The following PLD1 variants were observed in gnomAD, a reference collection of about 807,000 sequenced individuals.
PLD1 encodes the protein choline phosphatase 1.
In PLD1, 112 loss-of-function variants were observed where a neutral mutation model predicts 137.1. The ratio of observed to expected loss-of-function variants is 0.82; its 90% CI spans 0.70 to 0.96. The LOEUF is 0.96. PLD1 is among the 40% of genes least tolerant of loss of function. PLD1 has a pLI of 0.00. For synonymous variants in PLD1, 431 were observed against 454.7 expected (o/e 0.95, Z 0.66); for missense variants, 1,321 against 1,342.0 (o/e 0.98, Z 0.24).
chr3:171,694,209 TAGG>T (rs1224691709), intron 12 of PLD1, among the ~76,000 whole-genome samples: 1 of 152,052 alleles, frequency 6.6e-6, no homozygotes. Flanking sequence ...ATTTGAGTAC[TAGG>T]AGAAGACTCA....
chr3:171,630,933 G>A (rs956259647), intron 23 of PLD1, among the ~76,000 whole-genome samples: 1 of 151,428 alleles, frequency 6.6e-6, no homozygotes, highest in South Asian at 2.1e-4. Flanking sequence ...GTTAATGGGT[G>A]CAGCACACCA....
In PLD1 at chr3:171,714,043, C is replaced by A; in HGVS notation, c.761G>T (p.Trp254Leu). Residue 254 changes from tryptophan to leucine, a missense_variant and splice_region_variant, in exon 9 of 27, where the codon TGG becomes TTG. Physicochemically the swap from Trp to Leu is moderately conservative, Grantham distance 61. Transcript: ENST00000351298. ...GRACYRWSKRWLIVKDSFLLY... is the reference protein window; with the variant it reads ...GRACYRWSKRLLIVKDSFLLY... ...TAAAAAGGAATCTTTCACTATTAAC[C>A]ATCTGTAAGAAGGTAGTAAGTATTT... is the stretch of plus-strand genomic sequence containing the variant. 1.3e-6 allele frequency: 2 copies of A among 1,589,720 alleles called. No homozygotes were observed. Among genetic ancestry groups the A allele is most frequent in the Non-Finnish European group, 1.7e-6 (2 of 1,159,070 alleles).
At chr3:171,655,931 T>C (rs974616215) in intron 21 of PLD1, among the ~76,000 whole-genome samples, 1 of 152,160 alleles carries the variant, frequency 6.6e-6, no homozygotes, top group Non-Finnish European at 1.5e-5. Flanking sequence ...TATTTGAAAT[T>C]TGATGAACTA....
At chr3:171,689,234 T>C (rs529389976) in intron 13 of PLD1, among the ~76,000 whole-genome samples, 1 of 151,988 alleles carries the variant, frequency 6.6e-6, no homozygotes, top group African/African-American at 2.4e-5. Context: ...CTAAAAATAT[T>C]TAACTACTAT....
At chr3:171,622,869 A>T (rs1184184571) in intron 23 of PLD1, among the ~76,000 whole-genome samples, 1 of 151,670 alleles carries the variant, frequency 6.6e-6, no homozygotes, top group African/African-American at 2.4e-5. Flanking sequence ...AACATATAGA[A>T]ATCAATAGCC....
chr3:171,754,450 T>A (rs963434844), intron 1 of PLD1, among the ~76,000 whole-genome samples: 6 of 152,196 alleles, frequency 3.9e-5, no homozygotes, highest in African/African-American at 7.2e-5. Context: ...ACTGTGAAAC[T>A]GTTGGTCTGA....
At chr3:171,804,567 C>G (rs895070006) in intron 1 of PLD1, among the ~76,000 whole-genome samples, 1 of 152,140 alleles carries the variant, frequency 6.6e-6, no homozygotes, top group Non-Finnish European at 1.5e-5. Flanking sequence ...CCCTCTCACA[C>G]GGAAGACAGA....
chr3:171,795,137 C>G (rs1723381273), intron 1 of PLD1, among the ~76,000 whole-genome samples: 1 of 152,346 alleles, frequency 6.6e-6, no homozygotes, highest in African/African-American at 2.4e-5. Flanking sequence ...AAACTTGCTT[C>G]TTATTCCTGC....
chr3:171,612,124 G>A lies in PLD1; in HGVS notation c.2882+155C>T, dbSNP rs1432700564. Among the ~76,000 whole-genome samples, 6 of 152,114 alleles carry A rather than the reference G, an allele frequency of 3.9e-5. No homozygotes were observed. Among genetic ancestry groups the A allele is most frequent in the Non-Finnish European group, 8.8e-5 (6 of 68,016 alleles). On this transcript the variant is annotated intron_variant, in intron 25 of 26. Transcript: ENST00000351298. The surrounding 1 kb of genome is among the most constrained non-coding windows in gnomAD (Gnocchi z 4.1). ...TTCATGTACCACCTAAAGTCATTTC[G>A]CATACTACTGGTGGTACATATCCTA...
chr3:171,680,368 G>A (rs1471002359), intron 16 of PLD1, among the ~76,000 whole-genome samples: 2 of 149,656 alleles, frequency 1.3e-5, no homozygotes, highest in Non-Finnish European at 1.5e-5. Context: ...CCGAGTAGCT[G>A]GGATTACAGG....
chr3:171,708,395 T>C (rs984508579), intron 11 of PLD1, among the ~76,000 whole-genome samples: 2 of 152,160 alleles, frequency 1.3e-5, no homozygotes, highest in African/African-American at 2.4e-5. Context: ...AAGAAGTATA[T>C]TCACTGGCCC....
chr3:171,799,439 C>T (rs1293026851), intron 1 of PLD1, among the ~76,000 whole-genome samples: 4 of 149,612 alleles, frequency 2.7e-5, no homozygotes, highest in Non-Finnish European at 5.9e-5. Context: ...TGAACTAGCA[C>T]AGAAGTGAAA....
At chr3:171,792,962 C>A in intron 1 of PLD1, 1 of 302,110 alleles carries the variant, frequency 3.3e-6, no homozygotes, top group South Asian at 2.8e-5. Context: ...ACATGTGAGA[C>A]AATGCCAAGA....
chr3:171,686,643 G>T (rs1177664030), intron 16 of PLD1, 42 bp downstream of exon 16: 3 of 1,046,222 alleles, frequency 2.9e-6, no homozygotes, highest in Non-Finnish European at 4.4e-6. Context: ...CACAACCAAA[G>T]CTCAAGCCTA....
At chr3:171,682,825 A>T (rs561017140) in intron 16 of PLD1, among the ~76,000 whole-genome samples, 1 of 152,212 alleles carries the variant, frequency 6.6e-6, no homozygotes, top group South Asian at 2.1e-4. Context: ...CCAGGATCCA[A>T]GGAATCGACT....
At chr3:171,737,749 CAAGT>C (rs1719473939) in intron 2 of PLD1, 90 bp from the exon 3 acceptor site, 1 of 1,271,270 alleles carries the variant, frequency 7.9e-7, no homozygotes, top group Non-Finnish European at 1.1e-6. Context: ...CGTGTTAAAA[CAAGT>C]AAGCCTCTTA....
chr3:171,704,300 T>C (rs994015808), intron 11 of PLD1, among the ~76,000 whole-genome samples: 6 of 152,178 alleles, frequency 3.9e-5, no homozygotes, highest in Admixed American at 6.5e-5. Context: ...CATAAAAGGC[T>C]GGTTGGAACT....
At chr3:171,682,938 T>C (rs1714160925) in intron 16 of PLD1, among the ~76,000 whole-genome samples, 1 of 152,166 alleles carries the variant, frequency 6.6e-6, no homozygotes, top group Non-Finnish European at 1.5e-5. Context: ...TATTTGACTA[T>C]AAAAGTAAAA....
At chr3:171,748,220 C>A (rs1720395317) in intron 1 of PLD1, among the ~76,000 whole-genome samples, 2 of 152,202 alleles carry the variant, frequency 1.3e-5, no homozygotes, top group African/African-American at 2.4e-5. Context: ...TTACTCCTGA[C>A]TTCAAAGCCT....
Sources: gnomAD v4.1 joint callset for allele counts (sites outside exome capture counted in the v4.1 genomes callset) on GRCh38, gnomAD v4.1.1 for gene constraint, Gnocchi (gnomAD v3.1) non-coding constraint, MANE v1.5 for transcripts, NCBI Gene and HGNC (gene_info 2026-07-23, HGNC 2026-07-21) for gene names.